Variants in LIMCH1 observed in about 807,000 individuals in gnomAD.
LIMCH1 encodes the protein LIM and calponin homology domains 1.
In LIMCH1, 113 loss-of-function variants were observed where a neutral mutation model predicts 176.5. The observed-to-expected ratio is 0.64, with a 90% CI of 0.55 to 0.75. The LOEUF (loss-of-function observed/expected upper bound fraction) is 0.75, where lower values mean the gene tolerates loss of function less well. Among genes scored for constraint, LIMCH1 ranks in the 30% least tolerant of loss-of-function variants. The probability of loss-of-function intolerance (pLI) is 0.00; values close to 1 mark genes in which losing one functional copy is unlikely to be tolerated. For synonymous variants in LIMCH1, 619 were observed against 645.9 expected (o/e 0.96, Z 0.63); for missense variants, 1,674 against 1,814.9 (o/e 0.92, Z 1.41).
chr4:41,648,088 C>T (rs1053081363), intron 17 of LIMCH1, among the ~76,000 whole-genome samples: 1 of 152,150 alleles, frequency 6.6e-6, no homozygotes, highest in African/African-American at 2.4e-5. Context: ...CATGTGTGCT[C>T]AGTGGTCCAC....
At chr4:41,647,488 TA>T (rs2152931501) in intron 17 of LIMCH1, among the ~76,000 whole-genome samples, 1 of 152,324 alleles carries the variant, frequency 6.6e-6, no homozygotes, top group South Asian at 2.1e-4. Context: ...AATGAGTGTG[TA>T]AAATAGTGTT....
At chr4:41,623,772 G>A (rs1214602199) in intron 7 of LIMCH1, among the ~76,000 whole-genome samples, 5 of 152,166 alleles carry the variant, frequency 3.3e-5, no homozygotes, top group African/African-American at 1.2e-4. Context: ...CTTTAAGGCA[G>A]TATACAAAAG....
At chr4:41,378,173 A>G (rs2055060702) in intron 1 of LIMCH1, among the ~76,000 whole-genome samples, 2 of 152,202 alleles carry the variant, frequency 1.3e-5, no homozygotes, top group Non-Finnish European at 2.9e-5. Context: ...CAGAGCTGGG[A>G]CATAGCACAT....
intron 1 of LIMCH1, among the ~76,000 whole-genome samples, chr4:41,364,594 A>G (rs528328430): frequency 6.6e-6 from 1 of 152,318 alleles, no homozygotes; most frequent in East Asian, 1.9e-4. Context: ...AAAACCTTTA[A>G]TATCTACTCA....
At chr4:41,588,009 T>A (rs1046627425) in intron 1 of LIMCH1, among the ~76,000 whole-genome samples, 5 of 152,142 alleles carry the variant, frequency 3.3e-5, no homozygotes, top group African/African-American at 1.2e-4. Flanking sequence ...TATGTATACA[T>A]GTGCCATGCT....
chr4:41,420,291 T>C (rs747534597), intron 1 of LIMCH1, among the ~76,000 whole-genome samples: 19 of 152,330 alleles, frequency 1.2e-4, no homozygotes, highest in Admixed American at 2.6e-4. Flanking sequence ...TGGTACTTAA[T>C]AGCCTTGAAT....
chr4:41,555,679 T>C lies in LIMCH1; in HGVS notation c.-241+17329T>C, dbSNP rs544919207. On this transcript the variant is annotated intron_variant, in intron 1 of 31. Coordinates refer to ENST00000503057, the MANE Select transcript of LIMCH1 (RefSeq NM_001330672.2). The stretch of plus-strand genomic sequence containing the variant: ...AACAAACAAGAATTTTTTTTTCTTA[T>C]ATGGTTAGAAAGCAAGTTCTATAAA... Among the ~76,000 whole-genome samples the C allele has an allele frequency of 5.9e-5, 9 of 152,270 alleles. No individual in the cohort carries two copies. The South Asian group carries it at 1.9e-3, about 32-fold the overall frequency.
chr4:41,430,306 A>G (rs2154135733), intron 1 of LIMCH1, among the ~76,000 whole-genome samples: 1 of 152,290 alleles, frequency 6.6e-6, no homozygotes, highest in East Asian at 1.9e-4. Context: ...TCTGTTGCCC[A>G]AGCTGGAGTG....
intron 9 of LIMCH1, among the ~76,000 whole-genome samples, chr4:41,630,500 C>A (rs1488984907): frequency 6.6e-6 from 1 of 151,998 alleles, no homozygotes; most frequent in Admixed American, 6.6e-5. Context: ...TTAATTATTC[C>A]ACAGTACCTA....
At chr4:41,387,768 A>T (rs1455413493) in intron 1 of LIMCH1, among the ~76,000 whole-genome samples, 1 of 152,238 alleles carries the variant, frequency 6.6e-6, no homozygotes, top group East Asian at 1.9e-4. Context: ...ACATTTGGCA[A>T]CTATTTCACA....
At position 41,638,107 on chromosome 4, in the gene LIMCH1, TGTTGTTG is replaced by T. The variant is rs1562028165; in HGVS notation, c.2091-824_2091-818del. Among the ~76,000 whole-genome samples the T allele has an allele frequency of 2.1e-4, 16 of 77,922 alleles. No homozygotes were observed. In the South Asian group the frequency reaches 2.8e-3, roughly 14 times the overall value. The allele number at this position is 77,922 out of a possible 152,430, so 51.1% of individuals were successfully genotyped here. A position where few individuals can be genotyped will look rare whatever the true frequency, so the allele number is the denominator to read the frequency against. ...ATTTGTGGGAGCTGTGTTGTTTTGT[TGTTGTTG>T]TTGTTGTTGTTGTTGTTGTTTTTTC... On this transcript the variant is annotated intron_variant, in intron 13 of 31. Coordinates refer to ENST00000503057, the MANE Select transcript of LIMCH1 (RefSeq NM_001330672.2).
chr4:41,397,521 AT>A (rs2057925633), intron 1 of LIMCH1, among the ~76,000 whole-genome samples: 1 of 152,084 alleles, frequency 6.6e-6, no homozygotes, highest in Non-Finnish European at 1.5e-5. Context: ...TACTGAAATG[AT>A]TTAGCAGATT....
chr4:41,470,940 A>G (rs540907887), intron 1 of LIMCH1, among the ~76,000 whole-genome samples: 3 of 152,022 alleles, frequency 2.0e-5, no homozygotes, highest in Non-Finnish European at 4.4e-5. Context: ...AAGGAACTAC[A>G]AAGGTTAGGG....
intron 1 of LIMCH1, chr4:41,472,898 C>T: frequency 2.3e-6 from 1 of 425,846 alleles, no homozygotes; most frequent in Non-Finnish European, 3.1e-6. Context: ...TGACCATGGA[C>T]CCTTCTTTCC....
Position 41,676,395 on chromosome 4 carries a change from C to T in LIMCH1, c.3452C>T (p.Ala1151Val), listed in dbSNP as rs2095220257. 1.2e-6 allele frequency: 2 copies of T among 1,613,488 alleles called. No individual in the cohort carries two copies. The highest frequency in any genetic ancestry group is 2.2e-5 in the East Asian group (1 of 44,856). ...TTTTCTAAGCAGTTTAAGTTCTGGGCATGGGACCCAGAAGAGGAGCGCAGG... is the reference window on the plus strand; with the variant it reads ...TTTTCTAAGCAGTTTAAGTTCTGGGTATGGGACCCAGAAGAGGAGCGCAGG... ...SPVMTPFKFW[A>V]WDPEEERRRQ... The change falls in exon 23 of 32, where the codon GCA (alanine) becomes GTA (valine). Residue 1151 changes from alanine (A) to valine (V), a missense_variant. Ala to Val is a moderately conservative substitution (Grantham distance 64). Coordinates refer to ENST00000503057, the MANE Select transcript of LIMCH1 (RefSeq NM_001330672.2).
chr4:41,537,952 G>T (rs1206424364), upstream of LIMCH1, among the ~76,000 whole-genome samples: 2 of 152,160 alleles, frequency 1.3e-5, no homozygotes, highest in African/African-American at 4.8e-5. Context: ...TCCCACTTGG[G>T]TGCTTTTTCT....
intron 26 of LIMCH1, among the ~76,000 whole-genome samples, chr4:41,683,077 C>G (rs996640878): frequency 6.6e-6 from 1 of 152,102 alleles, no homozygotes; most frequent in Non-Finnish European, 1.5e-5. Flanking sequence ...AAATATTACT[C>G]ACTTGAAATG....
chr4:41,666,998 T>G (rs2094850372), intron 21 of LIMCH1, among the ~76,000 whole-genome samples: 1 of 152,120 alleles, frequency 6.6e-6, no homozygotes, highest in South Asian at 2.1e-4. Flanking sequence ...TCCCAGCTAC[T>G]TGGGAGGCTG....
intron 1 of LIMCH1, among the ~76,000 whole-genome samples, chr4:41,442,772 C>A (rs1244709921): frequency 6.6e-6 from 1 of 152,214 alleles, no homozygotes; most frequent in African/African-American, 2.4e-5. Context: ...ATTTAAACTG[C>A]ACACATCTCC....
Sources: gnomAD v4.1 joint callset for allele counts (sites outside exome capture counted in the v4.1 genomes callset) on GRCh38, gnomAD v4.1.1 for gene constraint, MANE v1.5 for transcripts, NCBI Gene and HGNC (gene_info 2026-07-23, HGNC 2026-07-21) for gene names.